LARGE1: variants seen among roughly 807,000 people sequenced by gnomAD.
The protein encoded by LARGE1 is LARGE xylosyl- and glucuronyltransferase 1.
LARGE1 carries 43 observed loss-of-function variants against 87.6 expected under a neutral mutation model. The observed-to-expected ratio is 0.49, with a 90% confidence interval of 0.38 to 0.63. LARGE1 has a LOEUF of 0.63. LARGE1 is among the 30% of genes least tolerant of loss of function. The probability of loss-of-function intolerance (pLI) is 0.00; values close to 1 mark genes in which losing one functional copy is unlikely to be tolerated. For missense variants in LARGE1, 802 were observed against 1,000.2 expected (o/e 0.80, Z 2.67); for synonymous variants, 434 against 394.6 (o/e 1.10, Z -1.18).
chr22:33,830,679 G>A (rs1601721251), intron 1 of LARGE1, among the ~76,000 whole-genome samples: 1 of 152,288 alleles, frequency 6.6e-6, no homozygotes, highest in East Asian at 1.9e-4. Context: ...TGGCGGTGGT[G>A]GTTGTTCTCT....
chr22:33,785,209 ATG>A (rs1050334959), intron 1 of LARGE1, among the ~76,000 whole-genome samples: 2 of 150,598 alleles, frequency 1.3e-5, no homozygotes, highest in African/African-American at 2.5e-5. Flanking sequence ...ATACATACAT[ATG>A]TGTATATACA....
chr22:33,668,495 C>A (rs1238010820), intron 2 of LARGE1, among the ~76,000 whole-genome samples: 1 of 152,194 alleles, frequency 6.6e-6, no homozygotes, highest in Non-Finnish European at 1.5e-5. Flanking sequence ...CTTATTATAT[C>A]GGTTAAGTCA....
At chr22:33,361,117 G>A (rs2064372522) in intron 9 of LARGE1, among the ~76,000 whole-genome samples, 1 of 149,364 alleles carries the variant, frequency 6.7e-6, no homozygotes, top group South Asian at 2.2e-4. Context: ...GGAGGCTGAG[G>A]CAGAATTGCT....
chr22:33,512,774 G>C (rs1049624231), intron 6 of LARGE1, among the ~76,000 whole-genome samples: 2 of 152,200 alleles, frequency 1.3e-5, no homozygotes, highest in African/African-American at 2.4e-5. Flanking sequence ...CTACACTCCA[G>C]CCTAGGTGAC....
At chr22:33,757,827 ACGT>A (rs2084576192) in intron 2 of LARGE1, among the ~76,000 whole-genome samples, 1 of 152,120 alleles carries the variant, frequency 6.6e-6, no homozygotes, top group Non-Finnish European at 1.5e-5. Context: ...AAAGAAAATA[ACGT>A]CTCTGCGGGC....
At chr22:33,131,539 G>A in the LARGE1 span, among the ~76,000 whole-genome samples, 2 of 152,192 alleles carry the variant, frequency 1.3e-5, no homozygotes, top group Admixed American at 6.5e-5. Context: ...GGCTGGGGAG[G>A]CCTCACAATC....
At chr22:33,599,815 A>G (rs1215221995) in intron 5 of LARGE1, among the ~76,000 whole-genome samples, 1 of 152,162 alleles carries the variant, frequency 6.6e-6, no homozygotes, top group African/African-American at 2.4e-5. Context: ...ACCATCTGAC[A>G]TGCTTCCTGA....
intron 9 of LARGE1, among the ~76,000 whole-genome samples, chr22:33,338,130 C>T (rs540705678): frequency 2.0e-5 from 3 of 152,190 alleles, no homozygotes; most frequent in South Asian, 2.1e-4. Context: ...GCTTAGGCCA[C>T]GACTCTACAA....
intron 1 of LARGE1, among the ~76,000 whole-genome samples, chr22:33,902,724 A>G (rs1328105430): frequency 6.6e-6 from 1 of 152,208 alleles, no homozygotes; most frequent in East Asian, 1.9e-4. Context: ...TCACAGCATT[A>G]AAACAACAGA....
At chr22:33,312,417 C>T (rs1284155799) in intron 11 of LARGE1, among the ~76,000 whole-genome samples, 4 of 138,148 alleles carry the variant, frequency 2.9e-5, no homozygotes, top group African/African-American at 8.5e-5. Flanking sequence ...TCTGGCCTGG[C>T]GACACCGCAA....
intron 2 of LARGE1, among the ~76,000 whole-genome samples, chr22:33,745,761 T>C (rs1158417155): frequency 1.3e-5 from 2 of 151,910 alleles, no homozygotes; most frequent in Non-Finnish European, 2.9e-5. Flanking sequence ...GCAAAGAAAA[T>C]GCATGGCTTG....
intron 1 of LARGE1, among the ~76,000 whole-genome samples, chr22:33,802,387 T>C (rs2086189068): frequency 1.3e-5 from 2 of 152,198 alleles, no homozygotes; most frequent in African/African-American, 4.8e-5. Flanking sequence ...CCTTTGATTA[T>C]CACTGGCAGG....
chr22:33,285,332 C>G (rs1931317554), intron 12 of LARGE1, among the ~76,000 whole-genome samples: 1 of 152,112 alleles, frequency 6.6e-6, no homozygotes, highest in Non-Finnish European at 1.5e-5. Flanking sequence ...GGCCATACAA[C>G]TGTCCATTGA....
intron 11 of LARGE1, among the ~76,000 whole-genome samples, chr22:33,308,389 G>A (rs911416746): frequency 8.5e-5 from 13 of 152,194 alleles, no homozygotes; most frequent in Non-Finnish European, 1.5e-4. Flanking sequence ...AGACAGGCCT[G>A]GATTTGTCCT....
intron 2 of LARGE1, among the ~76,000 whole-genome samples, chr22:33,756,031 T>G (rs2084500323): frequency 6.6e-6 from 1 of 152,140 alleles, no homozygotes; most frequent in East Asian, 1.9e-4. Context: ...TAGTGGGCAG[T>G]AAGACCGCAA....
At chr22:33,480,205 G>A (rs1012239893) in intron 6 of LARGE1, among the ~76,000 whole-genome samples, 7 of 152,150 alleles carry the variant, frequency 4.6e-5, no homozygotes, top group African/African-American at 7.2e-5. Context: ...ACGGCTTCAC[G>A]CAGACCTCGG....
intron 11 of LARGE1, among the ~76,000 whole-genome samples, chr22:33,198,203 G>A (rs925162782): frequency 1.3e-5 from 2 of 152,072 alleles, no homozygotes; most frequent in Non-Finnish European, 2.9e-5. Context: ...AATATAACAA[G>A]TACAACGTAT....
intron 4 of LARGE1, among the ~76,000 whole-genome samples, chr22:33,618,078 C>T (rs909695223): frequency 1.2e-4 from 18 of 152,166 alleles, no homozygotes; most frequent in African/African-American, 4.1e-4. Context: ...AAAGAAAGCG[C>T]GTGTGACAGC....
chr22:33,644,934 C>G (rs1421262198), intron 3 of LARGE1, among the ~76,000 whole-genome samples: 1 of 152,164 alleles, frequency 6.6e-6, no homozygotes, highest in Non-Finnish European at 1.5e-5. Flanking sequence ...GAAAAACATT[C>G]CATGCTCATG....
Sources: allele counts gnomAD v4.1 joint callset (sites outside exome capture counted in the v4.1 genomes callset), GRCh38; gene constraint gnomAD v4.1.1; transcripts MANE v1.5; gene names NCBI Gene and HGNC (gene_info 2026-07-23, HGNC 2026-07-21).